METTL25: variants seen among roughly 807,000 people sequenced by gnomAD.
METTL25 encodes the protein probable methyltransferase-like protein 25.
In METTL25, 64 loss-of-function variants were observed where a neutral mutation model predicts 71.6. The ratio of observed to expected loss-of-function variants is 0.89; its 90% CI spans 0.73 to 1.10. The LOEUF (loss-of-function observed/expected upper bound fraction) is 1.10, where lower values mean the gene tolerates loss of function less well. Ranked by LOEUF, METTL25 falls within the 50% of genes least tolerant of loss-of-function variation. METTL25 has a pLI of 0.00. For synonymous variants in METTL25, 287 were observed against 250.3 expected, an observed-to-expected ratio of 1.15 and a Z score of -1.38; for missense variants, 807 against 707.0, an observed-to-expected ratio of 1.14 and a Z score of -1.60.
intron 7 of METTL25, 56 bp from the exon 8 acceptor site, chr12:82,438,662 A>G: frequency 2.7e-6 from 3 of 1,125,858 alleles, no homozygotes; most frequent in African/African-American, 1.6e-5. Context: ...TCTGGTATTT[A>G]TTTTATTTCT....
intron 5 of METTL25, among the ~76,000 whole-genome samples, chr12:82,413,650 C>T (rs1206023025): frequency 6.6e-6 from 1 of 152,026 alleles, no homozygotes; most frequent in East Asian, 1.9e-4. Flanking sequence ...ATTAGATGAT[C>T]TGTCTCTTCT....
chr12:82,413,816 ATACTC>A (rs1015348791), intron 5 of METTL25, among the ~76,000 whole-genome samples: 1 of 151,878 alleles, frequency 6.6e-6, no homozygotes, highest in African/African-American at 2.4e-5. Context: ...TAAATAATAA[ATACTC>A]TACTTTCCTG....
intron 5 of METTL25, among the ~76,000 whole-genome samples, chr12:82,408,943 C>G (rs1398248929): frequency 6.6e-6 from 1 of 152,076 alleles, no homozygotes; most frequent in Non-Finnish European, 1.5e-5. Flanking sequence ...CACCTTCACC[C>G]TCACTTTATT....
At chr12:82,364,900 A>T (rs1882384122) in intron 1 of METTL25, among the ~76,000 whole-genome samples, 1 of 152,208 alleles carries the variant, frequency 6.6e-6, no homozygotes, top group Non-Finnish European at 1.5e-5. Flanking sequence ...TCTGCAACTA[A>T]ATTATAAACT....
At chr12:82,447,816 T>C (rs1488928128) in intron 8 of METTL25, among the ~76,000 whole-genome samples, 1 of 152,134 alleles carries the variant, frequency 6.6e-6, no homozygotes, top group Non-Finnish European at 1.5e-5. Flanking sequence ...TTTTGTTCAG[T>C]ATCACTAAAA....
intron 6 of METTL25, among the ~76,000 whole-genome samples, chr12:82,432,811 C>T (rs373042895): frequency 1.3e-3 from 193 of 146,652 alleles, no homozygotes; most frequent in African/African-American, 4.7e-3. Flanking sequence ...TATTGCCTTT[C>T]GCTCCATAAC....
Position 82,479,170 on chromosome 12 carries a change from G to A in METTL25, c.*146G>A. 5 of 550,062 alleles carry A rather than the reference G, an allele frequency of 9.1e-6. No homozygotes were observed. Among genetic ancestry groups the A allele is most frequent in the Non-Finnish European group, 1.3e-5 (4 of 312,620 alleles). 34.1% of individuals were successfully genotyped at this position (550,062 alleles called of 1,614,324 possible). On this transcript the variant is annotated 3_prime_UTR_variant, in exon 12 of 12. Transcript: ENST00000248306. ...AATAAAATAATGGCTAACAACAGAAGGTTATAATCCATTTTTCCATTGTCA... is the reference window on the plus strand; with the variant it reads ...AATAAAATAATGGCTAACAACAGAAAGTTATAATCCATTTTTCCATTGTCA...
chr12:82,390,871 T>C (rs1268795838), intron 3 of METTL25, among the ~76,000 whole-genome samples: 1 of 152,060 alleles, frequency 6.6e-6, no homozygotes, highest in Non-Finnish European at 1.5e-5. Flanking sequence ...CATATCAAAA[T>C]CTTGGGGAGC....
Position 82,402,991 on chromosome 12 carries a change from G to C in METTL25, c.1140G>C (p.Leu380Phe). ...CTTCTTGTATTTTAAAGGATTGTTT[G>C]ATGGTGGGTCTCCACACTTGTGGTG... ...HDIIKDLEDC[L>F]MVGLHTCGDL... The change falls in exon 5 of 12, where the codon TTG (leucine) becomes TTC (phenylalanine). Residue 380 changes from leucine (L) to phenylalanine (F), a missense_variant. Leu to Phe is a conservative substitution (Grantham distance 22). Transcript: ENST00000248306. 1 of 1,596,232 alleles carries C rather than the reference G, an allele frequency of 6.3e-7. No individual in the cohort carries two copies. The highest frequency in any genetic ancestry group is 1.4e-5 in the African/African-American group (1 of 73,954).
At chr12:82,465,931 G>T (rs932085136) in intron 9 of METTL25, among the ~76,000 whole-genome samples, 1 of 147,710 alleles carries the variant, frequency 6.8e-6, no homozygotes, top group Admixed American at 6.7e-5. Flanking sequence ...ATATTCTGTG[G>T]TATCTGTTGT....
At chr12:82,383,480 C>A (rs1432103993) in intron 1 of METTL25, among the ~76,000 whole-genome samples, 1 of 152,118 alleles carries the variant, frequency 6.6e-6, no homozygotes, top group Non-Finnish European at 1.5e-5. Context: ...TACAGCCTTC[C>A]TACGTCTCAG....
intron 1 of METTL25, among the ~76,000 whole-genome samples, chr12:82,374,602 C>G (rs992454895): frequency 6.6e-6 from 1 of 152,194 alleles, no homozygotes; most frequent in African/African-American, 2.4e-5. Context: ...GAAAAGTTCT[C>G]CAAGTCCCCA....
At chr12:82,475,666 C>G (rs1237801389) in intron 9 of METTL25, among the ~76,000 whole-genome samples, 1 of 152,124 alleles carries the variant, frequency 6.6e-6, no homozygotes, top group South Asian at 2.1e-4. Flanking sequence ...TCTGCTTTAT[C>G]AGGCTTTTCT....
At chr12:82,374,156 T>A (rs1388951287) in intron 1 of METTL25, 1 of 165,118 alleles carries the variant, frequency 6.1e-6, no homozygotes, top group Non-Finnish European at 1.3e-5. Context: ...TTCTGGTGGG[T>A]TCGTCTTGCT....
chr12:82,460,679 TCAAGA>T (rs755718333), intron 9 of METTL25, among the ~76,000 whole-genome samples: 5 of 152,130 alleles, frequency 3.3e-5, no homozygotes, highest in Non-Finnish European at 5.9e-5. Context: ...GGTCTGCAAA[TCAAGA>T]CAAGTTTGAG....
Position 82,428,874 on chromosome 12 carries a change from G to T in METTL25, c.1280-2019G>T, listed in dbSNP as rs147462661. The stretch of plus-strand genomic sequence containing the variant: ...ATACATTTAAAGGACTTACAATAGT[G>T]TCTCAATGTTAAGTGCTGTGTAAAT... On this transcript the variant is annotated intron_variant, in intron 5 of 11. Coordinates refer to ENST00000248306, the MANE Select transcript of METTL25 (RefSeq NM_032230.3). 2.5e-3 allele frequency among the ~76,000 whole-genome samples: 387 copies of T among 151,912 alleles called. 2 individuals carry two copies. The highest frequency in any genetic ancestry group is 8.8e-3 in the African/African-American group (365 of 41,502).
chr12:82,361,291 C>T (rs112916432), intron 1 of METTL25, among the ~76,000 whole-genome samples: 9,447 of 152,300 alleles, frequency 0.062, 340 homozygotes, highest in Middle Eastern at 0.12. Context: ...TATTTACAAT[C>T]CCTTAGCTAG....
At chr12:82,451,770 T>C (rs993441292) in intron 8 of METTL25, among the ~76,000 whole-genome samples, 1 of 152,150 alleles carries the variant, frequency 6.6e-6, no homozygotes, top group Non-Finnish European at 1.5e-5. Context: ...ACAAAATAAA[T>C]ATTTTGTCAT....
At chr12:82,359,279 G>T (rs1881456563) in intron 1 of METTL25, among the ~76,000 whole-genome samples, 1 of 121,272 alleles carries the variant, frequency 8.2e-6, no homozygotes, top group African/African-American at 3.2e-5. Flanking sequence ...AATTTAGGAG[G>T]TCAGGAACAT....
Sources: allele counts gnomAD v4.1 joint callset (sites outside exome capture counted in the v4.1 genomes callset), GRCh38; gene constraint gnomAD v4.1.1; transcripts MANE v1.5; gene names NCBI Gene and HGNC (gene_info 2026-07-23, HGNC 2026-07-21).